Variants in PLEKHA5 observed in about 807,000 individuals in gnomAD.
PLEKHA5 encodes pleckstrin homology domain containing A5.
In PLEKHA5, 55 loss-of-function variants were observed where a neutral mutation model predicts 181.9. That is an observed-to-expected ratio of 0.30 (90% CI 0.24 to 0.38). The LOEUF is 0.38. Ranked by LOEUF, PLEKHA5 falls within the 10% of genes least tolerant of loss-of-function variation. PLEKHA5 has a pLI of 1.00. For missense variants in PLEKHA5, 1,432 were observed against 1,549.5 expected (o/e 0.92, Z 1.27); for synonymous variants, 535 against 529.4 (o/e 1.01, Z -0.15).
At chr12:19,169,972 G>A (rs994662755) in intron 3 of PLEKHA5, among the ~76,000 whole-genome samples, 3 of 152,188 alleles carry the variant, frequency 2.0e-5, no homozygotes, top group Admixed American at 6.5e-5. Flanking sequence ...GTAGAGAAAA[G>A]GCAATATATA....
intron 3 of PLEKHA5, among the ~76,000 whole-genome samples, chr12:19,164,877 A>G (rs2043929375): frequency 6.6e-6 from 1 of 151,974 alleles, no homozygotes; most frequent in African/African-American, 2.4e-5. Context: ...CTACTTGCGG[A>G]TGTCACAGAC....
chr12:19,177,760 A>T (rs2047658476), intron 3 of PLEKHA5, among the ~76,000 whole-genome samples: 1 of 152,170 alleles, frequency 6.6e-6, no homozygotes. Context: ...GTATTTATTT[A>T]CTTCAATAAG....
intron 3 of PLEKHA5, among the ~76,000 whole-genome samples, chr12:19,138,564 C>T (rs1359250860): frequency 6.8e-6 from 1 of 146,166 alleles, no homozygotes; most frequent in East Asian, 2.0e-4. Flanking sequence ...CAGAGTAAGA[C>T]TCTGTCTCAA....
At chr12:19,253,064 C>CTTTATTTTTTTTTTTTTTTT (rs2065789083) in intron 3 of PLEKHA5, among the ~76,000 whole-genome samples, 1 of 45,834 alleles carries the variant, frequency 2.2e-5, no homozygotes, top group Non-Finnish European at 4.6e-5. Flanking sequence ...ATCAACTTAC[C>CTTTATTTTTTTTTTTTTTTT]TTTTTTTTTT....
intron 3 of PLEKHA5, among the ~76,000 whole-genome samples, chr12:19,158,030 G>A (rs1484602435): frequency 6.6e-6 from 1 of 152,074 alleles, no homozygotes; most frequent in Non-Finnish European, 1.5e-5. Flanking sequence ...CTTGGATCAA[G>A]TTTATAATCA....
At chr12:19,273,112 T>C (rs2073495437) in intron 10 of PLEKHA5, among the ~76,000 whole-genome samples, 1 of 152,146 alleles carries the variant, frequency 6.6e-6, no homozygotes, top group African/African-American at 2.4e-5. Flanking sequence ...TCTCACCATT[T>C]TGGCCCGGCT....
intron 3 of PLEKHA5, among the ~76,000 whole-genome samples, chr12:19,142,478 C>G (rs969089535): frequency 2.6e-5 from 4 of 152,026 alleles, no homozygotes; most frequent in Non-Finnish European, 4.4e-5. Context: ...TTTCACAATA[C>G]AAAGAAATTA....
At chr12:19,341,956 C>A (rs1453701343) in intron 21 of PLEKHA5, among the ~76,000 whole-genome samples, 1 of 152,166 alleles carries the variant, frequency 6.6e-6, no homozygotes, top group Non-Finnish European at 1.5e-5. Context: ...AGGTCTTGAA[C>A]TCCTGAGCTT....
chr12:19,279,804 A>C (rs1273232998), intron 11 of PLEKHA5, among the ~76,000 whole-genome samples: 2 of 152,116 alleles, frequency 1.3e-5, no homozygotes, highest in African/African-American at 2.4e-5. Flanking sequence ...GCAAGAATCA[A>C]AACTTGGCTG....
intron 15 of PLEKHA5, chr12:19,307,231 G>A (rs2084245122): frequency 1.3e-5 from 7 of 536,154 alleles, no homozygotes; most frequent in Non-Finnish European, 2.4e-5. Flanking sequence ...CCAGAGCTTT[G>A]GGAGGCTGAG....
chr12:19,221,237 A>G (rs1283178900), intron 3 of PLEKHA5, among the ~76,000 whole-genome samples: 1 of 152,218 alleles, frequency 6.6e-6, no homozygotes, highest in Non-Finnish European at 1.5e-5. Flanking sequence ...AACTGGAAGC[A>G]ACCAAGATGT....
intron 3 of PLEKHA5, chr12:19,200,242 C>A: frequency 2.1e-6 from 2 of 935,138 alleles, no homozygotes; most frequent in South Asian, 1.6e-5. Context: ...TCACCCATCC[C>A]CCTTAAATAT....
chr12:19,276,496 G>A (rs1282425406), intron 11 of PLEKHA5, among the ~76,000 whole-genome samples: 1 of 152,170 alleles, frequency 6.6e-6, no homozygotes, highest in Non-Finnish European at 1.5e-5. Context: ...TTCGAGACCA[G>A]CCTGGCCAAG....
intron 15 of PLEKHA5, among the ~76,000 whole-genome samples, chr12:19,304,280 C>T (rs1011063599): frequency 1.1e-4 from 17 of 152,170 alleles, no homozygotes; most frequent in African/African-American, 3.4e-4. Context: ...TAGTGGGCAC[C>T]TGTAATCCCA....
chr12:19,134,859 T>G (rs1007901891), intron 3 of PLEKHA5, among the ~76,000 whole-genome samples: 1 of 151,798 alleles, frequency 6.6e-6, no homozygotes, highest in Non-Finnish European at 1.5e-5. Flanking sequence ...ATATTCAGAG[T>G]GGAGGAAAAG....
intron 20 of PLEKHA5, among the ~76,000 whole-genome samples, chr12:19,332,275 A>T (rs1307254017): frequency 6.6e-6 from 1 of 152,154 alleles, no homozygotes; most frequent in Non-Finnish European, 1.5e-5. Context: ...CCCTGTCTCT[A>T]GAAAACTCTG....
intron 16 of PLEKHA5, among the ~76,000 whole-genome samples, chr12:19,319,348 A>C (rs781149065): frequency 6.6e-6 from 1 of 152,158 alleles, no homozygotes; most frequent in Non-Finnish European, 1.5e-5. Context: ...TCCAGGATTT[A>C]TTGTATGTTT....
At chr12:19,336,914 T>C (rs1332185587) in intron 21 of PLEKHA5, among the ~76,000 whole-genome samples, 1 of 152,052 alleles carries the variant, frequency 6.6e-6, no homozygotes, top group Non-Finnish European at 1.5e-5. Context: ...CACAGGTCCA[T>C]CTGTGTCACT....
Position 19,283,705 on chromosome 12 carries a change from A to G in PLEKHA5, c.1739A>G (p.Asp580Gly). ...GTGTCTTCACCAATTCAGAGAGGAGATGTGACAATAGACCGCAGACACAGG... is the reference window on the plus strand; with the variant it reads ...GTGTCTTCACCAATTCAGAGAGGAGGTGTGACAATAGACCGCAGACACAGG... ...SEVSSPIQRGDVTIDRRHRAH... is the reference protein window; with the variant it reads ...SEVSSPIQRGGVTIDRRHRAH... The change falls in exon 12 of 32, where the codon GAT becomes GGT. Residue 580 changes from aspartate (D) to glycine (G), a missense_variant. This residue lies in a region of PLEKHA5 where 1,143 missense variants were observed against 1,168.4 expected (regional missense o/e 0.98). Coordinates refer to ENST00000429027, the MANE Select transcript of PLEKHA5 (RefSeq NM_001256470.2). The G allele has an allele frequency of 6.2e-7, 1 of 1,613,976 alleles. No homozygotes were observed.
Sources: allele counts gnomAD v4.1 joint callset (sites outside exome capture counted in the v4.1 genomes callset), GRCh38; gene constraint gnomAD v4.1.1; regional missense constraint gnomAD v4.1.1; transcripts MANE v1.5; gene names NCBI Gene and HGNC (gene_info 2026-07-23, HGNC 2026-07-21).